AQR: variants seen among roughly 807,000 people sequenced by gnomAD.
The protein encoded by AQR is aquarius intron-binding spliceosomal factor.
In AQR, 61 loss-of-function variants were observed where a neutral mutation model predicts 180.5. The observed-to-expected ratio is 0.34, with a 90% CI of 0.28 to 0.42. AQR has a LOEUF of 0.42. Among genes scored for constraint, AQR ranks in the 10% least tolerant of loss-of-function variants. AQR has a pLI of 1.00. For synonymous variants in AQR, 551 were observed against 588.8 expected, an observed-to-expected ratio of 0.94 and a Z score of 0.93; for missense variants, 1,281 against 1,798.3, an observed-to-expected ratio of 0.71 and a Z score of 5.20.
At chr15:34,951,964 T>C (rs1894240863) in intron 4 of AQR, among the ~76,000 whole-genome samples, 1 of 152,208 alleles carries the variant, frequency 6.6e-6, no homozygotes, top group Admixed American at 6.6e-5. Context: ...GATCATTTAA[T>C]AATAATACAG....
At chr15:34,950,341 G>C (rs923660237) in intron 4 of AQR, among the ~76,000 whole-genome samples, 10 of 152,014 alleles carry the variant, frequency 6.6e-5, no homozygotes, top group Non-Finnish European at 1.0e-4. Context: ...ACCCGCCTTG[G>C]CCTCCCAAAG....
chr15:34,934,145 G>A (rs2140493406), intron 10 of AQR, among the ~76,000 whole-genome samples: 1 of 150,712 alleles, frequency 6.6e-6, no homozygotes, highest in Non-Finnish European at 1.5e-5. Context: ...GAAAAGAAAA[G>A]AAGAAAAGGA....
intron 23 of AQR, among the ~76,000 whole-genome samples, chr15:34,891,971 T>C (rs2140471918): frequency 6.6e-6 from 1 of 152,280 alleles, no homozygotes; most frequent in African/African-American, 2.4e-5. Flanking sequence ...AAGAGTATTA[T>C]TTTTAAAACT....
At chr15:34,946,434 G>GGA in intron 5 of AQR, among the ~76,000 whole-genome samples, 1 of 147,522 alleles carries the variant, frequency 6.8e-6, no homozygotes, top group Non-Finnish European at 1.5e-5. Flanking sequence ...GGGAGGTGGG[G>GGA]GGGGTCAGCC....
intron 5 of AQR, among the ~76,000 whole-genome samples, chr15:34,944,900 T>A (rs1390630874): frequency 6.6e-6 from 1 of 152,224 alleles, no homozygotes; most frequent in African/African-American, 2.4e-5. Flanking sequence ...CTCTTTGACC[T>A]ACCTCTGTTT....
chr15:34,918,151 C>T, intron 15 of AQR, 107 bp downstream of exon 15: 1 of 1,178,180 alleles, frequency 8.5e-7, no homozygotes, highest in Non-Finnish European at 1.2e-6. Flanking sequence ...AGGAAATTAT[C>T]CTAATGTACA....
chr15:34,933,238 A>G (rs988266549), intron 10 of AQR, among the ~76,000 whole-genome samples: 76 of 152,094 alleles, frequency 5.0e-4, no homozygotes, highest in African/African-American at 1.6e-3. Context: ...GTTAGAAGTT[A>G]GTTACTGGCA....
rs1245833615 is a variant in AQR, at chr15:34,920,369, T to C, written c.1184A>G (p.Asp395Gly). Residue 395 changes from aspartate (D) to glycine (G), a missense_variant, in exon 14 of 35, where the codon GAC (aspartate) becomes GGC (glycine). Coordinates refer to ENST00000156471, the MANE Select transcript of AQR (RefSeq NM_014691.3). ...AAGAAATTCTTTATCAAAAGTTGTG[T>C]CTTCATTTTTAGGAAGAGTTGGCAA... is the stretch of plus-strand genomic sequence containing the variant. ...CLLPTLPKNE[D>G]TTFDKEFLLE... 2 of 1,613,408 alleles carry C rather than the reference T, an allele frequency of 1.2e-6. No individual in the cohort carries two copies. The highest frequency in any genetic ancestry group is 2.2e-5 in the South Asian group (2 of 90,990).
At chr15:34,899,478 A>T (rs1893297422) in intron 20 of AQR, among the ~76,000 whole-genome samples, 1 of 151,788 alleles carries the variant, frequency 6.6e-6, no homozygotes. Context: ...TCCTGGGTTC[A>T]CGTGATCCTC....
chr15:34,960,896 T>C (rs1430503751), intron 2 of AQR, 82 bp from the exon 3 acceptor site: 1 of 515,788 alleles, frequency 1.9e-6, no homozygotes, highest in East Asian at 4.9e-5. Flanking sequence ...AGTGAGATTA[T>C]ATAAAATAAG....
At chr15:34,952,846 A>G in intron 4 of AQR, 39 bp downstream of exon 4, 1 of 1,380,028 alleles carries the variant, frequency 7.2e-7, no homozygotes, top group Non-Finnish European at 1.0e-6. Context: ...AACTGAAATC[A>G]CATTATCTCT....
chr15:34,878,104 T>C, intron 27 of AQR, among the ~76,000 whole-genome samples: 1 of 152,096 alleles, frequency 6.6e-6, no homozygotes, highest in East Asian at 1.9e-4. Flanking sequence ...TGGAGGTATC[T>C]TGTGGTGCAG....
Position 34,856,972 on chromosome 15 carries a change from G to T in AQR, c.4278C>A (p.Cys1426Ter). 4 of 1,614,122 alleles carry T rather than the reference G, an allele frequency of 2.5e-6. No homozygotes were observed. Among genetic ancestry groups the T allele is most frequent in the Non-Finnish European group, 3.4e-6 (4 of 1,180,026 alleles). Residue 1426 changes from cysteine (C) to a stop codon, truncating the protein, a stop_gained, in exon 35 of 35, where the codon TGC (cysteine) becomes TGA (stop). Coordinates refer to ENST00000156471, the MANE Select transcript of AQR (RefSeq NM_014691.3). LOFTEE classifies it low-confidence loss of function (END_TRUNC). ...TTTGAAAGGCTGGAGTTTCTTGACG[G>T]CAGCTGGTGTCTGTTGGACTGGGTA... ...DIIPSPTDTS[C>*]RQETPAFQTD...
chr15:34,870,765 C>G lies in AQR; in HGVS notation c.3755G>C (p.Gly1252Ala), dbSNP rs1300292681. 1 of 1,611,042 alleles carries G rather than the reference C, an allele frequency of 6.2e-7. No individual in the cohort carries two copies. Among genetic ancestry groups the G allele is most frequent in the East Asian group, 2.2e-5 (1 of 44,780 alleles). The change falls in exon 31 of 35, where the codon GGA becomes GCA. Residue 1252 changes from glycine (G) to alanine (A), a missense_variant. Gly to Ala is a moderately conservative substitution (Grantham distance 60). Around this residue, in one of 9 missense-constraint regions of AQR, gnomAD observed 197 missense variants for 320.7 expected, o/e 0.61. Coordinates refer to ENST00000156471, the MANE Select transcript of AQR (RefSeq NM_014691.3). ...NRRCGNNPLIGRPNKVTTVDR... is the reference protein window; with the variant it reads ...NRRCGNNPLIARPNKVTTVDR... ...TTATAAAAGTACCTTGTTTGGTCTT[C>G]CAATCAATGGATTGTTTCCACATCG...
Position 34,934,644 on chromosome 15 carries a change from A to C in AQR, c.719-9T>G. 1 of 1,553,416 alleles carries C rather than the reference A, an allele frequency of 6.4e-7. No homozygotes were observed. Among genetic ancestry groups the C allele is most frequent in the Non-Finnish European group, 8.7e-7 (1 of 1,154,302 alleles). On this transcript the variant is annotated splice_polypyrimidine_tract_variant and intron_variant, in intron 9 of 34. Transcript: ENST00000156471. ...GTCCATAGTGACAGGTTCTAGACAT[A>C]AGAGAGAACGCATGATAGAATTTCC...
intron 4 of AQR, among the ~76,000 whole-genome samples, chr15:34,949,296 T>TGAGCCA (rs1288494779): frequency 3.3e-5 from 5 of 151,722 alleles, no homozygotes; most frequent in Non-Finnish European, 7.4e-5. Context: ...ACACTGGGCC[T>TGAGCCA]TTAACTTTAA....
chr15:34,886,053 G>A (rs77666830), intron 25 of AQR, among the ~76,000 whole-genome samples: 4,521 of 152,196 alleles, frequency 0.03, 223 homozygotes, highest in African/African-American at 0.099. Flanking sequence ...ACATCTTTAT[G>A]TTGAAGTCAG....
rs1892543291 is a variant in AQR, at chr15:34,853,459, A to G, written c.*3333T>C. The G allele has an allele frequency of 6.6e-6, 1 of 152,176 alleles. No homozygotes were observed. The highest frequency in any genetic ancestry group is 6.5e-5 in the Admixed American group (1 of 15,276). The allele number at this position is 152,176 out of a possible 1,614,324, so 9.4% of individuals were successfully genotyped here. On this transcript the variant is annotated 3_prime_UTR_variant, in exon 35 of 35. Coordinates refer to ENST00000156471, the MANE Select transcript of AQR (RefSeq NM_014691.3). ...AAGACCTAATGTCTTCCTTCTGCTTATACTGTTCTGACAGAATTTTAATTT... is the reference window on the plus strand; with the variant it reads ...AAGACCTAATGTCTTCCTTCTGCTTGTACTGTTCTGACAGAATTTTAATTT...
At chr15:34,966,478 A>G (rs1351179505) in intron 1 of AQR, among the ~76,000 whole-genome samples, 1 of 152,236 alleles carries the variant, frequency 6.6e-6, no homozygotes, top group Non-Finnish European at 1.5e-5. Context: ...TCAACAAAGT[A>G]ATAATTTCAT....
Sources: allele counts gnomAD v4.1 joint callset (sites outside exome capture counted in the v4.1 genomes callset), GRCh38; gene constraint gnomAD v4.1.1; regional missense constraint gnomAD v4.1.1; transcripts MANE v1.5; gene names NCBI Gene and HGNC (gene_info 2026-07-23, HGNC 2026-07-21).